The following SAA2 variants were observed in gnomAD, a reference collection of about 807,000 sequenced individuals.
The protein encoded by SAA2 is serum amyloid A2.
In SAA2, 5 loss-of-function variants were observed where a neutral mutation model predicts 9.1. That is an observed-to-expected ratio of 0.55 (90% confidence interval 0.29 to 1.16). The LOEUF is 1.16. Among genes scored for constraint, SAA2 ranks in the 50% most tolerant of loss-of-function variants. The probability of loss-of-function intolerance (pLI) is 0.09; values close to 1 mark genes in which losing one functional copy is unlikely to be tolerated. For synonymous variants in SAA2, 49 were observed against 59.8 expected, an observed-to-expected ratio of 0.82 and a Z score of 0.83; for missense variants, 94 against 153.8, an observed-to-expected ratio of 0.61 and a Z score of 2.06.
exon 4 of SAA2, chr11:18,239,571 T>A (rs1857284385): frequency 2.5e-6 from 1 of 401,696 alleles, no homozygotes; most frequent in African/African-American, 2.1e-5. Context: ...AGTCAATGAC[T>A]CCATGTTGCT....
At chr11:18,246,593 A>T (rs1000157604) in intron 2 of SAA2, among the ~76,000 whole-genome samples, 2 of 152,054 alleles carry the variant, frequency 1.3e-5, no homozygotes, top group African/African-American at 4.8e-5. Flanking sequence ...AGCACACTGG[A>T]GCAATGTAAC....
At chr11:18,242,837 A>G (rs1220955168), downstream of SAA2, 2 of 701,604 alleles carry the variant, frequency 2.9e-6, no homozygotes, top group South Asian at 3.0e-5. Context: ...AAAGAGGGAG[A>G]TGCTGTCTCA....
At chr11:18,240,037 A>T (rs75322055) in intron 3 of SAA2, 47,568 of 1,538,366 alleles carry the variant, frequency 0.031, 872 homozygotes, top group Middle Eastern at 0.038. Context: ...GGGGAAAATC[A>T]CAGGAGGGTG....
Position 18,247,956 on chromosome 11 carries a change from C to T in SAA2, c.56G>A (p.Arg19Gln), listed in dbSNP as rs765674488. 6.2e-6 allele frequency: 10 copies of T among 1,613,662 alleles called. No individual in the cohort carries two copies. Among genetic ancestry groups the T allele is most frequent in the East Asian group, 2.2e-5 (1 of 44,886 alleles). The change falls in exon 2 of 4, where the codon CGA (arginine) becomes CAA (glutamine). Residue 19 changes from arginine (R) to glutamine (Q), a missense_variant. Physicochemically the swap from Arg to Gln is conservative, Grantham distance 43. Around this residue, in one of 2 missense-constraint regions of SAA2, gnomAD observed 32 missense variants for 95.5 expected, o/e 0.34. Coordinates refer to ENST00000256733, the MANE Select transcript of SAA2 (RefSeq NM_030754.5). The stretch of plus-strand genomic sequence containing the variant: ...CTCGCCAAGGAACGAAAAGAAGCTT[C>T]GGCTGCTGACACTCAGGACCAAGGA... ...FCSLVLSVSSRSFFSFLGEAF... is the reference protein window; with the variant it reads ...FCSLVLSVSSQSFFSFLGEAF...
intron 2 of SAA2, among the ~76,000 whole-genome samples, chr11:18,246,411 G>C (rs1857538125): frequency 1.3e-5 from 2 of 152,204 alleles, no homozygotes; most frequent in South Asian, 4.1e-4. Context: ...ATTGTGACCT[G>C]AGTTCCAGTG....
chr11:18,245,690 C>A (rs1314189072), intron 3 of SAA2, among the ~76,000 whole-genome samples, 175 bp from the exon 4 acceptor site: 3 of 152,224 alleles, frequency 2.0e-5, no homozygotes, highest in Admixed American at 6.5e-5. Flanking sequence ...AGGCTGGGCA[C>A]CCCTAGGCTG....
downstream of SAA2, chr11:18,240,330 T>C: frequency 1.4e-6 from 1 of 702,228 alleles, no homozygotes. Context: ...AGGCTATTGT[T>C]TTCTCTTTCA....
rs762362456 is a variant in SAA2, at chr11:18,245,515, G to A, written c.231C>T (p.Ser77=). The A allele has an allele frequency of 6.2e-7, 1 of 1,614,008 alleles. No individual in the cohort carries two copies. Among genetic ancestry groups the A allele is most frequent in the South Asian group, 1.1e-5 (1 of 91,074 alleles). ...PGGAWAAEVI[S]NARENIQRLT... ...GTCTCTGGATATTCTCTCTGGCATT[G>A]CTGTAGTCCAGGCAGGCAAGAAGGA... is the stretch of plus-strand genomic sequence containing the variant. Residue 77 remains serine (S), a splice_region_variant and synonymous_variant, in exon 4 of 4, where the codon AGC becomes AGT. Transcript: ENST00000256733.
chr11:18,242,089 C>T (rs1206179088), downstream of SAA2: 1 of 152,096 alleles, frequency 6.6e-6, no homozygotes, highest in Non-Finnish European at 1.5e-5. Context: ...AGCTTGGATA[C>T]CCTATTAGTC....
intron 2 of SAA2, among the ~76,000 whole-genome samples, chr11:18,247,545 GCA>G (rs1241239170): frequency 1.5e-4 from 22 of 146,136 alleles, no homozygotes; most frequent in African/African-American, 4.6e-4. Flanking sequence ...GGCACATTGG[GCA>G]GCACAACCTA....
chr11:18,242,906 A>G (rs1418461469), downstream of SAA2: 2 of 671,366 alleles, frequency 3.0e-6, no homozygotes, highest in Non-Finnish European at 5.4e-6. Flanking sequence ...TCCCTTTCTC[A>G]AACTTTTCTA....
downstream of SAA2, among the ~76,000 whole-genome samples, chr11:18,241,777 T>C (rs1213484163): frequency 2.0e-5 from 3 of 152,130 alleles, no homozygotes; most frequent in Non-Finnish European, 2.9e-5. Flanking sequence ...GGGCCGAGGA[T>C]TGAGAAATTA....
chr11:18,243,085 TG>T (rs200334015), downstream of SAA2, among the ~76,000 whole-genome samples: 630 of 151,970 alleles, frequency 4.1e-3, 6 homozygotes, highest in African/African-American at 0.015. Flanking sequence ...ATTTTTTTCT[TG>T]TTTTTTTTAT....
At chr11:18,242,744 G>C (rs1857384935), downstream of SAA2, 1 of 699,210 alleles carries the variant, frequency 1.4e-6, no homozygotes, top group African/African-American at 1.7e-5. Flanking sequence ...TATTCAAGAG[G>C]CTGAAGTGGG....
At chr11:18,246,751 C>T (rs544816432) in intron 2 of SAA2, among the ~76,000 whole-genome samples, 47 of 151,990 alleles carry the variant, frequency 3.1e-4, no homozygotes, top group Middle Eastern at 3.4e-3. Context: ...CAGGCTGCTC[C>T]GGAACTCATG....
At chr11:18,241,835 C>T (rs369493458), downstream of SAA2, among the ~76,000 whole-genome samples, 5 of 152,132 alleles carry the variant, frequency 3.3e-5, no homozygotes, top group East Asian at 7.7e-4. Context: ...ACACTAAGAA[C>T]CCAGATTTCA....
chr11:18,241,534 G>T (rs1019407182), downstream of SAA2, among the ~76,000 whole-genome samples: 4 of 152,116 alleles, frequency 2.6e-5, no homozygotes, highest in Non-Finnish European at 5.9e-5. Context: ...GTGTGTGTAT[G>T]TCTGTATACA....
chr11:18,240,085 A>T lies in SAA2; in HGVS notation c.231-116T>A. On this transcript the variant is annotated intron_variant, in intron 3 of 3. Transcript: ENST00000414546. ...CCCAATGGGGTACCGGTGATTATATACTATTCTTCATAGGGGAGGAGAAGA... is the reference window on the plus strand; with the variant it reads ...CCCAATGGGGTACCGGTGATTATATTCTATTCTTCATAGGGGAGGAGAAGA... 21 of 1,382,528 alleles carry T rather than the reference A, an allele frequency of 1.5e-5. No individual in the cohort carries two copies. In the South Asian group the frequency reaches 2.8e-4, roughly 18 times the overall value. 85.6% of individuals were successfully genotyped at this position (1,382,528 alleles called of 1,614,324 possible).
At chr11:18,246,173 C>T in intron 2 of SAA2, 125 bp from the exon 3 acceptor site, 1 of 1,444,684 alleles carries the variant, frequency 6.9e-7, no homozygotes, top group African/African-American at 1.4e-5. Flanking sequence ...GTGATCATAG[C>T]AGCCTTGGAT....
Sources: gnomAD v4.1 joint callset for allele counts (sites outside exome capture counted in the v4.1 genomes callset) on GRCh38, gnomAD v4.1.1 for gene constraint, gnomAD v4.1.1 regional missense constraint, MANE v1.5 for transcripts, NCBI Gene and HGNC (gene_info 2026-07-23, HGNC 2026-07-21) for gene names.